Variants in SUGCT observed in about 807,000 individuals in gnomAD.
The protein encoded by SUGCT is succinyl-CoA:glutarate-CoA transferase.
Under a neutral mutation model 55.0 loss-of-function variants are expected in SUGCT, and 41 were observed. That is an observed-to-expected ratio of 0.74 (90% CI 0.58 to 0.97). The LOEUF (loss-of-function observed/expected upper bound fraction) is 0.97. Ranked by LOEUF, SUGCT falls within the 50% of genes least tolerant of loss-of-function variation. SUGCT has a pLI of 0.00. For missense variants in SUGCT, 568 were observed against 547.8 expected (o/e 1.04, Z -0.37); for synonymous variants, 187 against 200.4 (o/e 0.93, Z 0.56).
the SUGCT span, among the ~76,000 whole-genome samples, chr7:40,983,311 G>A: frequency 0.021 from 3,175 of 152,084 alleles, 122 homozygotes; most frequent in African/African-American, 0.072. Flanking sequence ...ACCCTCAACC[G>A]TAACAGACAG....
At chr7:40,146,750 G>A (rs1418299611) in intron 1 of SUGCT, among the ~76,000 whole-genome samples, 2 of 152,202 alleles carry the variant, frequency 1.3e-5, no homozygotes, top group African/African-American at 4.8e-5. Context: ...GCATGTCACC[G>A]TGCTGCAGAG....
intron 12 of SUGCT, among the ~76,000 whole-genome samples, chr7:40,600,888 G>A (rs1798260408): frequency 6.6e-6 from 1 of 152,036 alleles, no homozygotes; most frequent in African/African-American, 2.4e-5. Flanking sequence ...TTGATATGGG[G>A]GAGGGGGCAG....
chr7:40,948,857 A>G, the SUGCT span, among the ~76,000 whole-genome samples: 1 of 152,238 alleles, frequency 6.6e-6, no homozygotes, highest in Non-Finnish European at 1.5e-5. Flanking sequence ...TCTGTCATTG[A>G]TGGACATTTC....
intron 11 of SUGCT, among the ~76,000 whole-genome samples, chr7:40,478,089 C>T (rs1378411248): frequency 1.3e-5 from 2 of 152,110 alleles, no homozygotes; most frequent in African/African-American, 4.8e-5. Context: ...AACTCTTGGG[C>T]TCAAGGGATC....
intron 5 of SUGCT, 105 bp downstream of exon 5, chr7:40,189,699 C>A: frequency 2.3e-6 from 1 of 434,770 alleles, no homozygotes; most frequent in Non-Finnish European, 4.0e-6. Context: ...GTGATCTGTA[C>A]GTTTGCAACA....
At chr7:40,335,372 A>G (rs1279774472) in intron 9 of SUGCT, among the ~76,000 whole-genome samples, 1 of 151,700 alleles carries the variant, frequency 6.6e-6, no homozygotes, top group African/African-American at 2.4e-5. Context: ...GATTCTTCCT[A>G]TCCATGAGCA....
Position 40,453,831 on chromosome 7 carries a change from C to T in SUGCT, c.888+4473C>T, listed in dbSNP as rs530683863. 2.9e-4 allele frequency among the ~76,000 whole-genome samples: 44 copies of T among 152,204 alleles called. No individual in the cohort carries two copies. The East Asian group carries it at 6.4e-3, about 22-fold the overall frequency. On this transcript the variant is annotated intron_variant, in intron 10 of 13. Transcript: ENST00000335693. The stretch of plus-strand genomic sequence containing the variant: ...CATGAGAACAGGCCATCAATGCCAA[C>T]GCGAAGATGACACAGATGTTGGAAT...
intron 3 of SUGCT, among the ~76,000 whole-genome samples, chr7:40,185,703 AG>A (rs1445945958): frequency 6.6e-6 from 1 of 151,962 alleles, no homozygotes; most frequent in African/African-American, 2.4e-5. Context: ...TTTTATTTTT[AG>A]TAGAGACGGG....
chr7:40,279,700 T>C (rs1157863258), intron 8 of SUGCT, among the ~76,000 whole-genome samples: 1 of 152,134 alleles, frequency 6.6e-6, no homozygotes, highest in Non-Finnish European at 1.5e-5. Context: ...CTTGACTGAC[T>C]TCAATTTGTC....
chr7:40,584,291 G>A (rs1466655478), intron 12 of SUGCT, among the ~76,000 whole-genome samples: 2 of 152,120 alleles, frequency 1.3e-5, no homozygotes, highest in African/African-American at 4.8e-5. Flanking sequence ...ATGAAACTGT[G>A]CTGCCAAACA....
At chr7:40,760,361 G>A (rs1019922298) in intron 13 of SUGCT, among the ~76,000 whole-genome samples, 6 of 152,148 alleles carry the variant, frequency 3.9e-5, no homozygotes, top group East Asian at 3.9e-4. Flanking sequence ...CAAATACTGC[G>A]TGATTCCATA....
chr7:40,860,813 C>A, downstream of SUGCT: 1 of 166,010 alleles, frequency 6.0e-6, no homozygotes, highest in Non-Finnish European at 1.3e-5. Flanking sequence ...TGCCCCTTAC[C>A]CCCCATGCCC....
At chr7:40,681,713 A>G (rs889544562) in intron 12 of SUGCT, among the ~76,000 whole-genome samples, 2 of 152,196 alleles carry the variant, frequency 1.3e-5, no homozygotes, top group Admixed American at 6.5e-5. Flanking sequence ...CTCAAAAGGC[A>G]GGACCTCTTG....
intron 12 of SUGCT, among the ~76,000 whole-genome samples, chr7:40,638,800 G>A (rs1279165184): frequency 6.6e-6 from 1 of 152,136 alleles, no homozygotes; most frequent in Non-Finnish European, 1.5e-5. Flanking sequence ...TCATGACTGG[G>A]TGAAGGAGAG....
At chr7:40,644,590 A>G (rs998050292) in intron 12 of SUGCT, among the ~76,000 whole-genome samples, 4 of 152,224 alleles carry the variant, frequency 2.6e-5, no homozygotes, top group Non-Finnish European at 4.4e-5. Context: ...GTTAATGAGC[A>G]GTCGGCTCAC....
chr7:40,404,348 G>C (rs976506977), intron 9 of SUGCT, among the ~76,000 whole-genome samples: 1 of 152,152 alleles, frequency 6.6e-6, no homozygotes, highest in Non-Finnish European at 1.5e-5. Flanking sequence ...CTGACATCTT[G>C]TAGGTGTTGG....
intron 12 of SUGCT, among the ~76,000 whole-genome samples, chr7:40,625,107 A>G (rs1293973293): frequency 6.6e-6 from 1 of 152,064 alleles, no homozygotes; most frequent in Non-Finnish European, 1.5e-5. Flanking sequence ...AAAGGTTCCA[A>G]TGCCATCCCC....
chr7:40,135,712 A>G (rs1394864895), intron 1 of SUGCT, among the ~76,000 whole-genome samples: 1 of 151,546 alleles, frequency 6.6e-6, no homozygotes, highest in Non-Finnish European at 1.5e-5. Context: ...GCTGGACTGC[A>G]GTGGCGCGAT....
At chr7:40,665,940 T>C (rs557357543) in intron 12 of SUGCT, among the ~76,000 whole-genome samples, 1 of 152,180 alleles carries the variant, frequency 6.6e-6, no homozygotes, top group Admixed American at 6.5e-5. Flanking sequence ...TATATACTTA[T>C]ATATGCAGGC....
Sources: allele counts gnomAD v4.1 joint callset (sites outside exome capture counted in the v4.1 genomes callset), GRCh38; gene constraint gnomAD v4.1.1; transcripts MANE v1.5; gene names NCBI Gene and HGNC (gene_info 2026-07-23, HGNC 2026-07-21).